The following FAM53A variants were observed in gnomAD, a reference collection of about 807,000 sequenced individuals.
FAM53A encodes protein FAM53A.
FAM53A carries 28 observed loss-of-function variants against 26.6 expected under a neutral mutation model. That is an observed-to-expected ratio of 1.05 (90% CI 0.78 to 1.45). FAM53A has a LOEUF of 1.45. FAM53A is among the 40% of genes most tolerant of loss of function. The probability of loss-of-function intolerance (pLI) is 0.00; values close to 1 mark genes in which losing one functional copy is unlikely to be tolerated. For missense variants in FAM53A, 650 were observed against 575.8 expected, an observed-to-expected ratio of 1.13 and a Z score of -1.32; for synonymous variants, 290 against 253.1, an observed-to-expected ratio of 1.15 and a Z score of -1.38.
At position 1,679,205 on chromosome 4, in the gene FAM53A, T is replaced by C. The variant is rs144939124; in HGVS notation, c.-165+5028A>G. Reference sequence around the variant, plus strand: ...AACAACCCCAGCCTGGCCAACATGGTGAAACCCCATCTCTACCAAAAAACT... The same window carrying C: ...AACAACCCCAGCCTGGCCAACATGGCGAAACCCCATCTCTACCAAAAAACT... On this transcript the variant is annotated intron_variant, in intron 1 of 4. Transcript: ENST00000308132. 2.0e-3 allele frequency among the ~76,000 whole-genome samples: 302 copies of C among 151,908 alleles called. 1 individual carries two copies. The highest frequency in any genetic ancestry group is 3.2e-3 in the Non-Finnish European group (218 of 67,918).
At chr4:1,588,645 G>C in the FAM53A span, among the ~76,000 whole-genome samples, 1 of 152,216 alleles carries the variant, frequency 6.6e-6, no homozygotes, top group Non-Finnish European at 1.5e-5. Context: ...CTCCAGCCCA[G>C]GCAAGCCTTC....
intron 1 of FAM53A, among the ~76,000 whole-genome samples, chr4:1,683,102 G>A (rs952208622): frequency 6.6e-6 from 1 of 152,220 alleles, no homozygotes; most frequent in Non-Finnish European, 1.5e-5. Context: ...CAATGGCGCC[G>A]GACGAGGGAA....
intron 2 of FAM53A, among the ~76,000 whole-genome samples, chr4:1,663,086 C>T (rs1713961303): frequency 1.3e-5 from 2 of 151,962 alleles, no homozygotes; most frequent in Admixed American, 1.3e-4. Context: ...GTAGTCCCAG[C>T]TACTTGGGAG....
At chr4:1,642,564 C>G (rs1331624992) in intron 4 of FAM53A, among the ~76,000 whole-genome samples, 1 of 152,202 alleles carries the variant, frequency 6.6e-6, no homozygotes, top group African/African-American at 2.4e-5. Context: ...CAGGCGTGCT[C>G]TCTTGGGCGT....
At chr4:1,601,232 T>TGG in the FAM53A span, among the ~76,000 whole-genome samples, 1 of 133,938 alleles carries the variant, frequency 7.5e-6, no homozygotes, top group South Asian at 2.3e-4. Flanking sequence ...CCGCAACAGG[T>TGG]CGGACACCCA....
chr4:1,663,030 TA>T (rs56405335), intron 2 of FAM53A, among the ~76,000 whole-genome samples: 148,471 of 151,438 alleles, frequency 0.98, 72,848 homozygotes, highest in East Asian at 1. Context: ...CCGGCTCTAC[TA>T]AAAAAAAAAT....
chr4:1,583,211 AGT>A, the FAM53A span, among the ~76,000 whole-genome samples: 3,595 of 152,276 alleles, frequency 0.024, 121 homozygotes, highest in African/African-American at 0.082. Flanking sequence ...GGCTGTCGAG[AGT>A]GCACTGGGGA....
intron 1 of FAM53A, among the ~76,000 whole-genome samples, chr4:1,625,966 G>A (rs1228180183): frequency 2.6e-5 from 4 of 152,314 alleles, no homozygotes; most frequent in African/African-American, 7.2e-5. Context: ...CCCAGGATCC[G>A]CCCATCAGAA....
chr4:1,611,707 C>T, the FAM53A span, among the ~76,000 whole-genome samples: 1 of 152,220 alleles, frequency 6.6e-6, no homozygotes, highest in African/African-American at 2.4e-5. Context: ...ACACGGTGGG[C>T]AAGGGGCCAG....
At chr4:1,658,750 C>A (rs1713604601) in intron 2 of FAM53A, among the ~76,000 whole-genome samples, 1 of 152,256 alleles carries the variant, frequency 6.6e-6, no homozygotes. Flanking sequence ...CTGGCCCGTG[C>A]AGGCGGGACA....
chr4:1,615,814 C>T (rs1714792692), downstream of FAM53A, among the ~76,000 whole-genome samples: 1 of 152,256 alleles, frequency 6.6e-6, no homozygotes, highest in African/African-American at 2.4e-5. Context: ...AAGGGATTGG[C>T]TGCATCCACA....
intron 4 of FAM53A, among the ~76,000 whole-genome samples, chr4:1,643,098 G>A (rs567257785): frequency 6.6e-6 from 1 of 152,318 alleles, no homozygotes; most frequent in Admixed American, 6.5e-5. Flanking sequence ...AACACTTCCA[G>A]CGACTGATTT....
At chr4:1,660,158 C>T (rs1713721009) in intron 2 of FAM53A, among the ~76,000 whole-genome samples, 1 of 152,048 alleles carries the variant, frequency 6.6e-6, no homozygotes, top group African/African-American at 2.4e-5. Flanking sequence ...TGGTGGGTGC[C>T]TGTAATCCCA....
chr4:1,622,376 G>A (rs957330778), intron 1 of FAM53A, among the ~76,000 whole-genome samples: 3 of 152,222 alleles, frequency 2.0e-5, no homozygotes, highest in African/African-American at 7.2e-5. Context: ...GATCTGGCTG[G>A]GGTGGGCACC....
intron 4 of FAM53A, among the ~76,000 whole-genome samples, chr4:1,647,819 G>A (rs559665048): frequency 8.5e-5 from 13 of 152,350 alleles, no homozygotes; most frequent in South Asian, 8.3e-4. Flanking sequence ...CCCAGAGTCA[G>A]GACTAATTGT....
chr4:1,609,142 C>T, the FAM53A span, among the ~76,000 whole-genome samples: 3 of 152,204 alleles, frequency 2.0e-5, no homozygotes, highest in Admixed American at 6.5e-5. Context: ...CCAGAGTTGT[C>T]GCTGGTCTCA....
Position 1,640,324 on chromosome 4 carries a change from C to A in FAM53A, c.*969G>T. ...CAGATGCCCATGCGCAAGCCCCAAG[C>A]ACCGTGACCCGTCGGGAGGGGGGGA... On this transcript the variant is annotated 3_prime_UTR_variant, in exon 5 of 5. Coordinates refer to ENST00000308132, the MANE Select transcript of FAM53A (RefSeq NM_001174070.3). 1 of 217,868 alleles carries A rather than the reference C, an allele frequency of 4.6e-6. No homozygotes were observed. The highest frequency in any genetic ancestry group is 8.9e-6 in the Non-Finnish European group (1 of 112,006). 13.5% of individuals were successfully genotyped at this position (217,868 alleles called of 1,614,324 possible).
At chr4:1,619,389 C>T (rs368561914) in intron 1 of FAM53A, among the ~76,000 whole-genome samples, 5 of 152,190 alleles carry the variant, frequency 3.3e-5, no homozygotes, top group East Asian at 3.9e-4. Context: ...CAGCTGGTGG[C>T]GCGCATGGAG....
chr4:1,636,107 A>G (rs962099783), downstream of FAM53A, among the ~76,000 whole-genome samples: 61 of 151,962 alleles, frequency 4.0e-4, no homozygotes, highest in Non-Finnish European at 7.4e-4. Flanking sequence ...TCAGCCTCCC[A>G]AAGTGCTGGG....
Sources: gnomAD v4.1 joint callset for allele counts (sites outside exome capture counted in the v4.1 genomes callset) on GRCh38, gnomAD v4.1.1 for gene constraint, MANE v1.5 for transcripts, NCBI Gene and HGNC (gene_info 2026-07-23, HGNC 2026-07-21) for gene names.